The following ATP2C2 variants were observed in gnomAD, a reference collection of about 807,000 sequenced individuals.
ATP2C2 encodes calcium-transporting ATPase type 2C member 2.
In ATP2C2, 171 loss-of-function variants were observed where a neutral mutation model predicts 110.8. The ratio of observed to expected loss-of-function variants is 1.54; its 90% CI spans 1.36 to 1.75. The LOEUF (loss-of-function observed/expected upper bound fraction) is 1.75. ATP2C2 is among the 40% of genes most tolerant of loss of function. The pLI is 0.00. For missense variants in ATP2C2, 1,963 were observed against 1,235.0 expected (o/e 1.59, Z -8.84); for synonymous variants, 804 against 508.4 (o/e 1.58, Z -7.82).
At chr16:84,415,019 C>T (rs1217314049) in intron 6 of ATP2C2, among the ~76,000 whole-genome samples, 4 of 152,078 alleles carry the variant, frequency 2.6e-5, no homozygotes, top group African/African-American at 4.8e-5. Context: ...GAAGCATATC[C>T]GTAGTCTGAG....
chr16:84,391,346 C>G (rs896245689), intron 1 of ATP2C2, among the ~76,000 whole-genome samples: 1 of 152,202 alleles, frequency 6.6e-6, no homozygotes, highest in Non-Finnish European at 1.5e-5. Context: ...TGCCATCTCT[C>G]GCATCTTCTG....
chr16:84,447,575 G>C (rs1278672596), intron 16 of ATP2C2, among the ~76,000 whole-genome samples: 1 of 148,364 alleles, frequency 6.7e-6, no homozygotes, highest in Non-Finnish European at 1.5e-5. Context: ...TTCCCCCTAA[G>C]ATTTTCTTTT....
chr16:84,424,780 C>T (rs145485801), intron 10 of ATP2C2, among the ~76,000 whole-genome samples: 1 of 152,186 alleles, frequency 6.6e-6, no homozygotes, highest in Non-Finnish European at 1.5e-5. Flanking sequence ...TTTCAAGCTA[C>T]TAATGTATAG....
chr16:84,400,758 C>T (rs893423912), intron 2 of ATP2C2, among the ~76,000 whole-genome samples: 9 of 152,146 alleles, frequency 5.9e-5, no homozygotes, highest in Non-Finnish European at 8.8e-5. Context: ...TGGATAAAAG[C>T]CATTTTAACT....
intron 2 of ATP2C2, 77 bp downstream of exon 2, chr16:84,398,686 CA>C: frequency 8.6e-7 from 1 of 1,160,728 alleles, no homozygotes; most frequent in South Asian, 1.5e-5. Context: ...AAGCCCTGAA[CA>C]GTGCTTTGAA....
rs746654536 is a variant in ATP2C2, at chr16:84,454,897, T to A, written c.2060T>A (p.Ile687Asn). ...NDAVALKSAD[I>N]GIAMGQTGTD... ...GCAGTGGCCCTGAAGTCTGCAGACATTGGGATCGCCATGGGGCAGACAGGG... is the reference window on the plus strand; with the variant it reads ...GCAGTGGCCCTGAAGTCTGCAGACAATGGGATCGCCATGGGGCAGACAGGG... Residue 687 changes from isoleucine to asparagine, a missense_variant, in exon 21 of 27, where the codon ATT becomes AAT. Transcript: ENST00000262429. The A allele has an allele frequency of 3.1e-6, 5 of 1,613,822 alleles. No homozygotes were observed. The highest frequency in any genetic ancestry group is 4.2e-6 in the Non-Finnish European group (5 of 1,179,932).
chr16:84,433,789 C>G (rs1284853171), intron 11 of ATP2C2, among the ~76,000 whole-genome samples: 1 of 152,106 alleles, frequency 6.6e-6, no homozygotes, highest in Non-Finnish European at 1.5e-5. Flanking sequence ...TTAAATATTT[C>G]CAGAAGAAAA....
rs1910604181 is a variant in ATP2C2, at chr16:84,381,992, GCTTT to G, written c.99+13283_99+13286del. On this transcript the variant is annotated intron_variant, in intron 1 of 26. Coordinates refer to ENST00000262429, the MANE Select transcript of ATP2C2 (RefSeq NM_014861.4). ...TGTTAGGAATACCTCTGCTTCAAAT[GCTTT>G]CTTTTTTTCTTAAAGTTCTGGGATA... Among the ~76,000 whole-genome samples the G allele has an allele frequency of 2.0e-5, 3 of 152,166 alleles. No homozygotes were observed. In the South Asian group the frequency reaches 6.2e-4, roughly 31 times the overall value.
chr16:84,412,733 A>G (rs1906486047), intron 6 of ATP2C2, among the ~76,000 whole-genome samples: 1 of 152,108 alleles, frequency 6.6e-6, no homozygotes, highest in African/African-American at 2.4e-5. Context: ...CCCTGCTAAC[A>G]TTGGTTGAGG....
intron 16 of ATP2C2, 95 bp from the exon 17 acceptor site, chr16:84,448,436 CGT>C (rs1909957395): frequency 1.4e-6 from 2 of 1,410,020 alleles, no homozygotes; most frequent in Non-Finnish European, 1.9e-6. Context: ...CAAAGATCCC[CGT>C]GTGTGTCTTT....
Position 84,438,984 on chromosome 16 carries a change from C to T in ATP2C2, c.987-182C>T. The T allele has an allele frequency of 4.8e-6, 4 of 833,406 alleles. No homozygotes were observed. In the South Asian group the frequency reaches 7.2e-5, roughly 15 times the overall value. The allele number at this position is 833,406 out of a possible 1,614,324, so 51.6% of individuals were successfully genotyped here. A position where few individuals can be genotyped will look rare whatever the true frequency, so the allele number is the denominator to read the frequency against. ...CAAGAGCGGGGTCTGCAGGGGAGGG[C>T]TCAGGACAGTGGGTGCTGCAGAAGG... On this transcript the variant is annotated intron_variant, in intron 11 of 26. Transcript: ENST00000262429.
At chr16:84,424,142 G>T (rs1031204142) in intron 10 of ATP2C2, among the ~76,000 whole-genome samples, 6 of 152,234 alleles carry the variant, frequency 3.9e-5, no homozygotes, top group Non-Finnish European at 8.8e-5. Flanking sequence ...GATGAGGGGG[G>T]TGCTGGTGAG....
intron 7 of ATP2C2, among the ~76,000 whole-genome samples, chr16:84,421,959 C>T (rs954411598): frequency 5.3e-5 from 8 of 152,018 alleles, no homozygotes; most frequent in African/African-American, 1.9e-4. Context: ...GTCTGTGTTT[C>T]TGGTGTTACT....
intron 17 of ATP2C2, among the ~76,000 whole-genome samples, chr16:84,449,989 C>T (rs1286537303): frequency 1.3e-5 from 2 of 152,252 alleles, no homozygotes; most frequent in Admixed American, 6.5e-5. Flanking sequence ...GAGGAGCCGG[C>T]CCAGGTGACA....
intron 16 of ATP2C2, 67 bp downstream of exon 16, chr16:84,446,497 A>C: frequency 8.9e-7 from 1 of 1,129,584 alleles, no homozygotes; most frequent in Non-Finnish European, 1.3e-6. Flanking sequence ...GATAAAGCAA[A>C]ATGCAGACTT....
At chr16:84,459,078 C>G (rs776921990) in intron 21 of ATP2C2, 42 bp from the exon 22 acceptor site, 89 of 1,609,794 alleles carry the variant, frequency 5.5e-5, no homozygotes, top group Non-Finnish European at 7.2e-5. Context: ...CCAGCCCTCA[C>G]GCAGGCCCGC....
rs971359329 is a variant in ATP2C2, at chr16:84,461,993, G to C, written c.2586G>C (p.Lys862Asn). The change falls in exon 26 of 27, where the codon AAG becomes AAC. Residue 862 changes from lysine (K) to asparagine (N), a missense_variant. Coordinates refer to ENST00000262429, the MANE Select transcript of ATP2C2 (RefSeq NM_014861.4). Reference sequence around the variant, plus strand: ...GTGTGACCTTCTCCCTGCAGACCAAGCTGATATTTGAGATCGGCTTTCTCA... The same window carrying C: ...GTGTGACCTTCTCCCTGCAGACCAACCTGATATTTGAGATCGGCTTTCTCA... ...FNALTCRSQT[K>N]LIFEIGFLRN... 6.2e-6 allele frequency: 10 copies of C among 1,613,570 alleles called. No individual in the cohort carries two copies. The highest frequency in any genetic ancestry group is 7.6e-6 in the Non-Finnish European group (9 of 1,179,574).
intron 1 of ATP2C2, among the ~76,000 whole-genome samples, chr16:84,384,316 G>T (rs1278919277): frequency 1.3e-5 from 2 of 152,092 alleles, no homozygotes; most frequent in African/African-American, 4.8e-5. Flanking sequence ...TAGAGATTCC[G>T]GGCTCAGATT....
intron 1 of ATP2C2, among the ~76,000 whole-genome samples, chr16:84,383,442 G>C (rs950155231): frequency 2.6e-5 from 4 of 152,218 alleles, no homozygotes; most frequent in Admixed American, 2.6e-4. Flanking sequence ...AGCCATGTCT[G>C]GTCCGTAGTA....
Sources: gnomAD v4.1 joint callset for allele counts (sites outside exome capture counted in the v4.1 genomes callset) on GRCh38, gnomAD v4.1.1 for gene constraint, MANE v1.5 for transcripts, NCBI Gene and HGNC (gene_info 2026-07-23, HGNC 2026-07-21) for gene names.